Variants in FSCN2 observed in about 807,000 individuals in gnomAD.
The protein encoded by FSCN2 is fascin actin-bundling protein 2, retinal.
FSCN2 carries 46 observed loss-of-function variants against 37.8 expected under a neutral mutation model. The ratio of observed to expected loss-of-function variants is 1.22; its 90% CI spans 0.96 to 1.56. The LOEUF is 1.56. Among genes scored for constraint, FSCN2 ranks in the 40% most tolerant of loss-of-function variants. FSCN2 has a pLI of 0.00. For synonymous variants in FSCN2, 351 were observed against 309.4 expected, an observed-to-expected ratio of 1.13 and a Z score of -1.41; for missense variants, 844 against 730.4, an observed-to-expected ratio of 1.16 and a Z score of -1.79.
At chr17:81,521,427 C>T in the FSCN2 span, among the ~76,000 whole-genome samples, 1 of 150,654 alleles carries the variant, frequency 6.6e-6, no homozygotes, top group South Asian at 2.1e-4. Context: ...GCATTGGTGC[C>T]ATCTCAGTTC....
chr17:81,529,082 A>T lies in FSCN2; in HGVS notation c.551A>T (p.Tyr184Phe). The change falls in exon 1 of 5, where the codon TAC becomes TTC. Residue 184 changes from tyrosine (Y) to phenylalanine (F), a missense_variant. By Grantham distance (22) the Tyr-to-Phe change is conservative. Coordinates refer to ENST00000417245, the MANE Select transcript of FSCN2 (RefSeq NM_012418.4). ...LLTLIFRSRR[Y>F]CLKSCDSRYL... is the part of the protein sequence containing the mutation. ...ACCCTCATCTTCCGGAGCCGACGGTACTGCCTCAAGTCCTGTGACAGCCGC... is the reference window on the plus strand; with the variant it reads ...ACCCTCATCTTCCGGAGCCGACGGTTCTGCCTCAAGTCCTGTGACAGCCGC... The T allele has an allele frequency of 6.3e-7, 1 of 1,590,640 alleles. No homozygotes were observed. Among genetic ancestry groups the T allele is most frequent in the South Asian group, 1.1e-5 (1 of 87,682 alleles).
At chr17:81,517,625 T>C in the FSCN2 span, among the ~76,000 whole-genome samples, 1 of 152,156 alleles carries the variant, frequency 6.6e-6, no homozygotes, top group African/African-American at 2.4e-5. Context: ...GGCCCGTTTG[T>C]GACCCTCCAC....
chr17:81,517,216 C>T, the FSCN2 span, among the ~76,000 whole-genome samples: 2 of 151,906 alleles, frequency 1.3e-5, no homozygotes, highest in African/African-American at 2.4e-5. Context: ...TGCAGTTTAC[C>T]TGAGGCTCCC....
Position 81,535,224 on chromosome 17 carries a change from C to T in FSCN2, c.983+16C>T. 6.6e-7 allele frequency: 1 copy of T among 1,511,150 alleles called. No homozygotes were observed. The highest frequency in any genetic ancestry group is 1.4e-5 in the African/African-American group (1 of 72,186). The allele number at this position is 1,511,150 out of a possible 1,614,324, so 93.6% of individuals were successfully genotyped here. A position where few individuals can be genotyped will look rare whatever the true frequency, so the allele number is the denominator to read the frequency against. On this transcript the variant is annotated intron_variant, in intron 2 of 4. Coordinates refer to ENST00000417245, the MANE Select transcript of FSCN2 (RefSeq NM_012418.4). ...CCACACAAGTGTGAGTGCACACATC[C>T]CTTCCTCCTCCATCATCCCCATCCC...
intron 1 of FSCN2, chr17:81,530,587 C>G (rs974645597): frequency 1.9e-6 from 1 of 515,252 alleles, no homozygotes; most frequent in South Asian, 1.4e-5. Flanking sequence ...CAGGTCCTTC[C>G]AGACCAGCAT....
upstream of FSCN2, among the ~76,000 whole-genome samples, chr17:81,526,835 G>A (rs1198032390): frequency 3.3e-5 from 5 of 152,238 alleles, no homozygotes; most frequent in Non-Finnish European, 7.3e-5. Context: ...TGCCTGGCAC[G>A]TGACCTGGTT....
chr17:81,532,458 GTGGTGA>G (rs1299959860), intron 1 of FSCN2, among the ~76,000 whole-genome samples: 35 of 135,462 alleles, frequency 2.6e-4, no homozygotes, highest in Admixed American at 4.4e-4. Flanking sequence ...GGTGATGGTG[GTGGTGA>G]TGGTGGTGGT....
upstream of FSCN2, among the ~76,000 whole-genome samples, chr17:81,526,225 G>A (rs782188500): frequency 8.5e-5 from 13 of 152,238 alleles, no homozygotes; most frequent in African/African-American, 2.7e-4. Flanking sequence ...CTGGCTGGGC[G>A]TTGGGGTGTG....
chr17:81,525,439 A>AAAAAAAAAAAAAAAAAAAAAAC, upstream of FSCN2, among the ~76,000 whole-genome samples: 1 of 149,062 alleles, frequency 6.7e-6, no homozygotes, highest in Non-Finnish European at 1.5e-5. Context: ...AAAAAAAAAA[A>AAAAAAAAAAAAAAAAAAAAAAC]AGGCTGTGCC....
intron 1 of FSCN2, among the ~76,000 whole-genome samples, chr17:81,531,717 G>GTGGTGA (rs1190521673): frequency 5.7e-4 from 51 of 89,416 alleles, no homozygotes; most frequent in East Asian, 1.3e-3. Context: ...GATAGTGATG[G>GTGGTGA]TGGTGATGGT....
chr17:81,524,361 C>T (rs2143830200), upstream of FSCN2, among the ~76,000 whole-genome samples: 1 of 152,314 alleles, frequency 6.6e-6, no homozygotes, highest in African/African-American at 2.4e-5. Context: ...ACTGCTACCC[C>T]AAACAGCCTC....
At chr17:81,525,953 C>T (rs1598565662), upstream of FSCN2, among the ~76,000 whole-genome samples, 1 of 152,198 alleles carries the variant, frequency 6.6e-6, no homozygotes, top group Admixed American at 6.5e-5. Context: ...CCTTCAGTCA[C>T]CCTCCCCTGT....
chr17:81,528,156 G>T (rs2032411213), upstream of FSCN2, among the ~76,000 whole-genome samples: 1 of 152,212 alleles, frequency 6.6e-6, no homozygotes, highest in African/African-American at 2.4e-5. Context: ...AGGGGCGCTG[G>T]GCCCACGCTA....
At chr17:81,526,889 G>A (rs1483458434), upstream of FSCN2, among the ~76,000 whole-genome samples, 1 of 152,192 alleles carries the variant, frequency 6.6e-6, no homozygotes, top group African/African-American at 2.4e-5. Context: ...AATCATAGAG[G>A]CGGATGAGGC....
chr17:81,534,904 T>G, intron 1 of FSCN2, 148 bp from the exon 2 acceptor site: 1 of 579,446 alleles, frequency 1.7e-6, no homozygotes, highest in Non-Finnish European at 2.9e-6. Flanking sequence ...TCCCAGGGTC[T>G]CTGAGAGGTG....
At chr17:81,531,720 GTGA>G (rs1568078015) in intron 1 of FSCN2, among the ~76,000 whole-genome samples, 21 of 63,760 alleles carry the variant, frequency 3.3e-4, no homozygotes, top group African/African-American at 1.7e-3. Context: ...AGTGATGGTG[GTGA>G]TGGTGATGGT....
rs374697213 is a variant in FSCN2, at chr17:81,529,355, A to G, written c.824A>G (p.Gln275Arg). ...AACCACCGCTACGTCTCTGTGCGGC[A>G]AGGTAGGGAGGGCACAGGTGGCGAC... Reference protein sequence around the residue: ...AANHRYVSVRQGVNVSANQDD... With the variant: ...AANHRYVSVRRGVNVSANQDD... Residue 275 changes from glutamine to arginine, a missense_variant and splice_region_variant, in exon 1 of 5, where the codon CAA (glutamine) becomes CGA (arginine). Transcript: ENST00000417245. 1.8e-5 allele frequency: 27 copies of G among 1,539,558 alleles called. No homozygotes were observed. The highest frequency in any genetic ancestry group is 2.7e-5 in the African/African-American group (2 of 73,290).
rs756587145 is a variant in FSCN2, at chr17:81,536,597, G to A, written c.1106-25G>A. On this transcript the variant is annotated intron_variant, in intron 3 of 4. Coordinates refer to ENST00000417245, the MANE Select transcript of FSCN2 (RefSeq NM_012418.4). The stretch of plus-strand genomic sequence containing the variant: ...GACAGGGAAGGTGGCGGGAGGGGCA[G>A]CGCAGCAGACGCTCTCCCCGCCAGG... 56 of 1,605,396 alleles carry A rather than the reference G, an allele frequency of 3.5e-5. No individual in the cohort carries two copies. The highest frequency in any genetic ancestry group is 4.5e-5 in the Non-Finnish European group (53 of 1,179,474).
chr17:81,531,545 G>GGTGATGGCGATGGTGGTGATGATA (rs1237315853), intron 1 of FSCN2, among the ~76,000 whole-genome samples: 2 of 140,048 alleles, frequency 1.4e-5, no homozygotes, highest in Non-Finnish European at 3.1e-5. Context: ...TGGTGATGAT[G>GGTGATGGCGATGGTGGTGATGATA]GTGATGGCGA....
Sources: allele counts gnomAD v4.1 joint callset (sites outside exome capture counted in the v4.1 genomes callset), GRCh38; gene constraint gnomAD v4.1.1; transcripts MANE v1.5; gene names NCBI Gene and HGNC (gene_info 2026-07-23, HGNC 2026-07-21).